WDR93: variants seen among roughly 807,000 people sequenced by gnomAD.
WDR93 encodes the protein WD repeat domain 93.
In WDR93, 73 loss-of-function variants were observed where a neutral mutation model predicts 82.9. The observed-to-expected ratio is 0.88, with a 90% confidence interval of 0.73 to 1.07. The LOEUF is 1.07. WDR93 is among the 50% of genes least tolerant of loss of function. WDR93 has a pLI of 0.00. For synonymous variants in WDR93, 283 were observed against 300.1 expected, an observed-to-expected ratio of 0.94 and a Z score of 0.59; for missense variants, 738 against 826.0, an observed-to-expected ratio of 0.89 and a Z score of 1.31.
chr15:89,702,936 C>T lies in WDR93; in HGVS notation c.304-14C>T, dbSNP rs1300331091. ...GTGACAACTGAAAATAATATTTTTT[C>T]TTTGTTTTCCCAGCTCAACAAAATG... On this transcript the variant is annotated splice_polypyrimidine_tract_variant and intron_variant, in intron 2 of 16. Transcript: ENST00000268130. 7 of 1,608,840 alleles carry T rather than the reference C, an allele frequency of 4.4e-6. No individual in the cohort carries two copies. Among genetic ancestry groups the T allele is most frequent in the Admixed American group, 3.4e-5 (2 of 58,574 alleles).
intron 1 of WDR93, among the ~76,000 whole-genome samples, chr15:89,696,373 A>G (rs970567091): frequency 7.2e-5 from 11 of 152,192 alleles, no homozygotes; most frequent in African/African-American, 2.4e-4. Flanking sequence ...TTGTTTATCC[A>G]TTGATAAACC....
intron 8 of WDR93, among the ~76,000 whole-genome samples, chr15:89,723,581 A>C (rs796734114): frequency 6.6e-5 from 10 of 152,354 alleles, no homozygotes; most frequent in African/African-American, 2.4e-4. Flanking sequence ...AAAATAGATA[A>C]GTGAATAATA....
chr15:89,696,490 G>C (rs1445701264), intron 1 of WDR93, among the ~76,000 whole-genome samples: 1 of 151,808 alleles, frequency 6.6e-6, no homozygotes, highest in African/African-American at 2.4e-5. Context: ...TGGTGGTGGT[G>C]GTGGTGGTGG....
intron 7 of WDR93, among the ~76,000 whole-genome samples, chr15:89,718,594 T>C (rs1966369714): frequency 6.6e-6 from 1 of 152,138 alleles, no homozygotes; most frequent in Admixed American, 6.5e-5. Flanking sequence ...ACCACTGTAC[T>C]CTAGCCTGAG....
Position 89,731,547 on chromosome 15 carries a change from T to C in WDR93, c.1315T>C (p.Trp439Arg). 1 of 1,614,136 alleles carries C rather than the reference T, an allele frequency of 6.2e-7. No homozygotes were observed. Among genetic ancestry groups the C allele is most frequent in the Non-Finnish European group, 8.5e-7 (1 of 1,180,012 alleles). The change falls in exon 12 of 17, where the codon TGG becomes CGG. Residue 439 changes from tryptophan to arginine, a missense_variant. Transcript: ENST00000268130. The part of the protein sequence containing the change: ...LACEDGVLTL[W>R]DLAKGFPLGV... ...CTGCGAGGATGGTGTGCTCACGCTG[T>C]GGGACCTGGCCAAAGGTAAGTCCTC...
chr15:89,729,806 G>C (rs1471688209), intron 11 of WDR93, 37 bp downstream of exon 11: 2 of 1,544,078 alleles, frequency 1.3e-6, no homozygotes, highest in African/African-American at 2.7e-5. Context: ...CCTAAGCTCA[G>C]GACTTGCAGA....
chr15:89,736,941 G>A lies in WDR93; in HGVS notation c.1609-632G>A, dbSNP rs563502608. The stretch of plus-strand genomic sequence containing the variant: ...CGAGTAGCTGGGACTACAGGTGCCC[G>A]CTAGCACGCCAGGCTAATTTTTTGT... On this transcript the variant is annotated intron_variant, in intron 14 of 16. Coordinates refer to ENST00000268130, the MANE Select transcript of WDR93 (RefSeq NM_020212.2). 1.5e-3 allele frequency among the ~76,000 whole-genome samples: 228 copies of A among 152,180 alleles called. 1 individual carries two copies. The highest frequency in any genetic ancestry group is 5.1e-3 in the African/African-American group (210 of 41,518).
chr15:89,697,641 A>G (rs1031853402), intron 1 of WDR93, among the ~76,000 whole-genome samples: 5 of 152,150 alleles, frequency 3.3e-5, no homozygotes, highest in South Asian at 4.1e-4. Context: ...GTAACTGTCA[A>G]TTGGAAAAAA....
In WDR93 at chr15:89,712,195, A is replaced by C. The variant is rs146432944; in HGVS notation, c.640+91A>C. The C allele has an allele frequency of 6.5e-6, 7 of 1,073,674 alleles. No homozygotes were observed. The African/African-American group carries it at 1.1e-4, about 17-fold the overall frequency. The allele number at this position is 1,073,674 out of a possible 1,614,324, so 66.5% of individuals were successfully genotyped here. On this transcript the variant is annotated intron_variant, in intron 5 of 16. Coordinates refer to ENST00000268130, the MANE Select transcript of WDR93 (RefSeq NM_020212.2). Reference sequence around the variant, plus strand: ...TTTTGTCCCTCCAAACCTTTTATTTAGAAATTATTTTCAATTCAAAGAAGA... The same window carrying C: ...TTTTGTCCCTCCAAACCTTTTATTTCGAAATTATTTTCAATTCAAAGAAGA...
chr15:89,717,041 CT>C, intron 7 of WDR93, 92 bp downstream of exon 7: 1 of 335,770 alleles, frequency 3.0e-6, no homozygotes, highest in Non-Finnish European at 4.6e-6. Context: ...TTTTCTTTTT[CT>C]TTCTTTTTTT....
At chr15:89,742,999 C>T (rs1318925282) in intron 16 of WDR93, among the ~76,000 whole-genome samples, 1 of 152,158 alleles carries the variant, frequency 6.6e-6, no homozygotes, top group African/African-American at 2.4e-5. Flanking sequence ...CTGAATGTTC[C>T]GTTGTGTGTA....
intron 2 of WDR93, 132 bp downstream of exon 2, chr15:89,702,181 A>C: frequency 9.6e-7 from 1 of 1,036,350 alleles, no homozygotes; most frequent in Non-Finnish European, 1.4e-6. Flanking sequence ...GAAAGATTAG[A>C]AGCATGCTGA....
At chr15:89,731,145 C>T (rs1426109898) in intron 11 of WDR93, among the ~76,000 whole-genome samples, 1 of 152,142 alleles carries the variant, frequency 6.6e-6, no homozygotes, top group Non-Finnish European at 1.5e-5. Context: ...TTTATAGAAC[C>T]CTTGTGAGAA....
chr15:89,722,540 T>A (rs1289547330), intron 8 of WDR93, among the ~76,000 whole-genome samples: 2 of 152,164 alleles, frequency 1.3e-5, no homozygotes, highest in African/African-American at 4.8e-5. Context: ...GTAAAACACC[T>A]CTCCTCTCCT....
chr15:89,693,075 A>G (rs1047814797), intron 1 of WDR93, among the ~76,000 whole-genome samples: 2 of 152,188 alleles, frequency 1.3e-5, no homozygotes, highest in Non-Finnish European at 2.9e-5. Flanking sequence ...TTATTCCACA[A>G]TGTGAATGTA....
At chr15:89,736,813 A>ATGC (rs1967217386) in intron 14 of WDR93, among the ~76,000 whole-genome samples, 1 of 149,226 alleles carries the variant, frequency 6.7e-6, no homozygotes, top group Non-Finnish European at 1.5e-5. Context: ...TTTTTTTGAA[A>ATGC]CGGAGTCTCG....
chr15:89,717,859 G>C (rs910685278), intron 7 of WDR93, among the ~76,000 whole-genome samples: 2 of 152,146 alleles, frequency 1.3e-5, no homozygotes, highest in African/African-American at 4.8e-5. Context: ...TGGGGGTTTT[G>C]TGTTTGTTTT....
chr15:89,707,262 C>G (rs944418094), intron 4 of WDR93, among the ~76,000 whole-genome samples: 4 of 152,038 alleles, frequency 2.6e-5, no homozygotes, highest in African/African-American at 4.8e-5. Flanking sequence ...AAAACACTCA[C>G]CAAAAATAGG....
At chr15:89,717,585 G>C (rs1190569396) in intron 7 of WDR93, among the ~76,000 whole-genome samples, 2 of 152,136 alleles carry the variant, frequency 1.3e-5, no homozygotes, top group Non-Finnish European at 2.9e-5. Flanking sequence ...TGGGCCCCTG[G>C]AAGGGGCCCT....
Sources: gnomAD v4.1 joint callset for allele counts (sites outside exome capture counted in the v4.1 genomes callset) on GRCh38, gnomAD v4.1.1 for gene constraint, MANE v1.5 for transcripts, NCBI Gene and HGNC (gene_info 2026-07-23, HGNC 2026-07-21) for gene names.